XRCC5: variants seen among roughly 807,000 people sequenced by gnomAD.
XRCC5 encodes the protein DNA repair protein Ku80.
XRCC5 carries 12 observed loss-of-function variants against 95.7 expected under a neutral mutation model. The observed-to-expected ratio is 0.13, with a 90% confidence interval of 0.08 to 0.20. XRCC5 has a LOEUF of 0.20. XRCC5 is among the 10% of genes least tolerant of loss of function. XRCC5 has a pLI of 1.00. For missense variants in XRCC5, 595 were observed against 873.9 expected, an observed-to-expected ratio of 0.68 and a Z score of 4.02; for synonymous variants, 281 against 290.3, an observed-to-expected ratio of 0.97 and a Z score of 0.33.
At chr2:216,189,459 C>G (rs1435819138) in intron 16 of XRCC5, among the ~76,000 whole-genome samples, 1 of 152,204 alleles carries the variant, frequency 6.6e-6, no homozygotes, top group African/African-American at 2.4e-5. Context: ...CCTTTTTCCT[C>G]TGCTTTTTAT....
At chr2:216,159,996 A>G in intron 14 of XRCC5, 72 bp from the exon 15 acceptor site, 2 of 693,206 alleles carry the variant, frequency 2.9e-6, no homozygotes, top group South Asian at 3.1e-5. Context: ...TGGTGCTTGG[A>G]AAATAAGTTT....
intron 13 of XRCC5, among the ~76,000 whole-genome samples, chr2:216,143,067 G>T (rs1315853775): frequency 3.3e-5 from 5 of 152,192 alleles, no homozygotes; most frequent in Non-Finnish European, 7.3e-5. Flanking sequence ...CTACAGTTGG[G>T]CAGAATCATC....
At chr2:216,155,236 C>CAAAAAAAAAAAAAAAAAAAAAA in intron 14 of XRCC5, among the ~76,000 whole-genome samples, 1 of 80,462 alleles carries the variant, frequency 1.2e-5, no homozygotes, top group Non-Finnish European at 2.3e-5. Flanking sequence ...ACTCCCATCT[C>CAAAAAAAAAAAAAAAAAAAAAA]AAAAAAAAAA....
chr2:216,204,233 G>A (rs1689899871), intron 19 of XRCC5, 89 bp from the exon 20 acceptor site: 1 of 1,486,528 alleles, frequency 6.7e-7, no homozygotes, highest in Non-Finnish European at 9.4e-7. Flanking sequence ...GCTGCCTTAG[G>A]TTTTGCTGTG....
At chr2:216,128,759 C>T (rs756818938) in intron 8 of XRCC5, among the ~76,000 whole-genome samples, 1 of 152,176 alleles carries the variant, frequency 6.6e-6, no homozygotes, top group African/African-American at 2.4e-5. Flanking sequence ...AGGGTAACAT[C>T]TAATGGACAG....
chr2:216,173,333 AG>A (rs1689205945), intron 16 of XRCC5, among the ~76,000 whole-genome samples: 1 of 152,092 alleles, frequency 6.6e-6, no homozygotes, highest in Non-Finnish European at 1.5e-5. Flanking sequence ...TTTCACTATT[AG>A]TATGATGTTA....
At position 216,192,682 on chromosome 2, in the gene XRCC5, A is replaced by G. The variant is rs1689638222; in HGVS notation, c.1988A>G (p.Gln663Arg). Residue 663 changes from glutamine (Q) to arginine (R), a missense_variant, in exon 18 of 21, where the codon CAA (glutamine) becomes CGA (arginine). Physicochemically the swap from Gln to Arg is conservative, Grantham distance 43 (BLOSUM62 1). This residue lies in a region of XRCC5 where 309 missense variants were observed against 382.9 expected (regional missense o/e 0.81). Transcript: ENST00000392132. ...QRFNNFLKAL[Q>R]EKVEIKQLNH... ...TTTAACAACTTCCTGAAAGCCCTTCAAGAGAAAGTGGAAATTAAACAATTA... is the reference window on the plus strand; with the variant it reads ...TTTAACAACTTCCTGAAAGCCCTTCGAGAGAAAGTGGAAATTAAACAATTA... The G allele has an allele frequency of 1.9e-6, 3 of 1,601,324 alleles. No individual in the cohort carries two copies. Among genetic ancestry groups the G allele is most frequent in the Non-Finnish European group, 2.6e-6 (3 of 1,173,302 alleles).
At chr2:216,110,268 A>G (rs1696563073) in intron 1 of XRCC5, among the ~76,000 whole-genome samples, 1 of 152,154 alleles carries the variant, frequency 6.6e-6, no homozygotes, top group Non-Finnish European at 1.5e-5. Context: ...TCAACATAAA[A>G]GAGTGGTAGT....
chr2:216,126,120 C>A, intron 7 of XRCC5, 89 bp downstream of exon 7: 2 of 1,032,660 alleles, frequency 1.9e-6, no homozygotes, highest in South Asian at 1.5e-5. Context: ...GTGTGTGTTA[C>A]TCGGAACCAT....
rs1696704370 is a variant in XRCC5, at chr2:216,116,730, T to C, written c.207T>C (p.Ser69=). Residue 69 remains serine, a synonymous_variant, in exon 3 of 21, where the codon TCT becomes TCC. Coordinates refer to ENST00000392132, the MANE Select transcript of XRCC5 (RefSeq NM_021141.4). ...CAGATGGCACTGACAATCCCCTTTC[T>C]GGTGGGGATCAGTATCAGAACATCA... The part of the protein sequence containing the change: ...FGTDGTDNPL[S]GGDQYQNITV... 1.9e-6 allele frequency: 3 copies of C among 1,614,214 alleles called. No individual in the cohort carries two copies. Among genetic ancestry groups the C allele is most frequent in the Non-Finnish European group, 1.7e-6 (2 of 1,180,010 alleles).
intron 13 of XRCC5, among the ~76,000 whole-genome samples, chr2:216,143,744 G>T (rs1210256503): frequency 6.6e-6 from 1 of 150,662 alleles, no homozygotes; most frequent in Non-Finnish European, 1.5e-5. Flanking sequence ...GTCTCACTCT[G>T]TCACCCAGGC....
intron 16 of XRCC5, among the ~76,000 whole-genome samples, chr2:216,184,852 C>T (rs1010107902): frequency 1.3e-5 from 2 of 152,222 alleles, no homozygotes; most frequent in African/African-American, 2.4e-5. Flanking sequence ...GAGTTCATAA[C>T]ACACTGTGCC....
chr2:216,203,452 A>G (rs1689881060), intron 19 of XRCC5, among the ~76,000 whole-genome samples: 1 of 152,202 alleles, frequency 6.6e-6, no homozygotes, highest in Non-Finnish European at 1.5e-5. Flanking sequence ...CAGCTGCCAC[A>G]TGCCTTGAAG....
At chr2:216,161,909 C>A (rs1302448753) in intron 15 of XRCC5, 70 bp from the exon 16 acceptor site, 11 of 1,310,282 alleles carry the variant, frequency 8.4e-6, no homozygotes, top group Non-Finnish European at 1.1e-5. Context: ...ATTAAGCCAT[C>A]TTGTATTGCC....
chr2:216,137,423 G>T (rs573590501), intron 11 of XRCC5, among the ~76,000 whole-genome samples, 198 bp downstream of exon 11: 1 of 152,086 alleles, frequency 6.6e-6, no homozygotes, highest in East Asian at 1.9e-4. Flanking sequence ...CCACACTTTC[G>T]GTTGGAGGAA....
At chr2:216,189,637 C>T (rs953887682) in intron 16 of XRCC5, among the ~76,000 whole-genome samples, 18 of 152,130 alleles carry the variant, frequency 1.2e-4, no homozygotes, top group African/African-American at 4.3e-4. Flanking sequence ...GGAGAATATT[C>T]AGGTCCAGCT....
At chr2:216,199,488 C>T (rs951773485) in intron 19 of XRCC5, among the ~76,000 whole-genome samples, 1 of 152,188 alleles carries the variant, frequency 6.6e-6, no homozygotes, top group Admixed American at 6.5e-5. Flanking sequence ...ATTTTGAAAC[C>T]TAGGCATAAA....
At chr2:216,122,738 G>A (rs1406627467) in intron 6 of XRCC5, among the ~76,000 whole-genome samples, 2 of 149,092 alleles carry the variant, frequency 1.3e-5, no homozygotes, top group Non-Finnish European at 3.0e-5. Flanking sequence ...TGATCACAAA[G>A]CAGTTTGATT....
At chr2:216,153,190 C>G (rs1013914154) in intron 14 of XRCC5, among the ~76,000 whole-genome samples, 8 of 152,208 alleles carry the variant, frequency 5.3e-5, no homozygotes, top group African/African-American at 7.2e-5. Context: ...CTGCTAAATT[C>G]ACTTCGGCTT....
Sources: allele counts gnomAD v4.1 joint callset (sites outside exome capture counted in the v4.1 genomes callset), GRCh38; gene constraint gnomAD v4.1.1; regional missense constraint gnomAD v4.1.1; transcripts MANE v1.5; gene names NCBI Gene and HGNC (gene_info 2026-07-23, HGNC 2026-07-21).